Variants in MIPOL1 observed in about 807,000 individuals in gnomAD.
MIPOL1 encodes the protein mirror-image polydactyly 1, also known as mirror-image polydactyly gene 1 protein.
Under a neutral mutation model 60.9 loss-of-function variants are expected in MIPOL1, and 57 were observed. That is an observed-to-expected ratio of 0.94 (90% confidence interval 0.76 to 1.17). The LOEUF is 1.17. MIPOL1 is among the 50% of genes most tolerant of loss of function. The pLI is 0.00. For missense variants in MIPOL1, 551 were observed against 511.6 expected, an observed-to-expected ratio of 1.08 and a Z score of -0.74; for synonymous variants, 179 against 168.8, an observed-to-expected ratio of 1.06 and a Z score of -0.47.
intron 9 of MIPOL1, among the ~76,000 whole-genome samples, chr14:37,317,540 T>G (rs934926249): frequency 6.6e-6 from 1 of 152,086 alleles, no homozygotes; most frequent in Non-Finnish European, 1.5e-5. Flanking sequence ...AATTCCAGAC[T>G]CTCCCTCACT....
chr14:37,201,456 A>G (rs1231303524), intron 1 of MIPOL1, among the ~76,000 whole-genome samples: 1 of 152,232 alleles, frequency 6.6e-6, no homozygotes, highest in East Asian at 1.9e-4. Flanking sequence ...AAAGAAAAGG[A>G]TGAATGTCTA....
At chr14:37,232,689 A>G (rs1300211887) in intron 1 of MIPOL1, among the ~76,000 whole-genome samples, 2 of 152,182 alleles carry the variant, frequency 1.3e-5, no homozygotes, top group Non-Finnish European at 2.9e-5. Flanking sequence ...ATTTACTTGC[A>G]TGTGTCACTT....
intron 9 of MIPOL1, among the ~76,000 whole-genome samples, chr14:37,308,808 C>T (rs2153434422): frequency 6.6e-6 from 1 of 152,136 alleles, no homozygotes; most frequent in South Asian, 2.1e-4. Context: ...ATTTTTTCAA[C>T]TAATCACTTT....
intron 11 of MIPOL1, among the ~76,000 whole-genome samples, chr14:37,483,555 A>T (rs984588179): frequency 6.6e-6 from 1 of 152,150 alleles, no homozygotes; most frequent in African/African-American, 2.4e-5. Flanking sequence ...ATTATGGATG[A>T]CTGAAAGCAG....
chr14:37,410,533 A>G (rs1213821131), intron 10 of MIPOL1, among the ~76,000 whole-genome samples: 1 of 152,170 alleles, frequency 6.6e-6, no homozygotes, highest in East Asian at 1.9e-4. Flanking sequence ...AGACACAGGT[A>G]CATGGTTCTA....
chr14:37,499,937 A>G lies in MIPOL1; in HGVS notation c.1061A>G (p.Asn354Ser), dbSNP rs1024602713. ...CACAAATCTTTATCTCAAGAAGAAAATCTGAAGGATCAGTTTAACTATACC... is the reference window on the plus strand; with the variant it reads ...CACAAATCTTTATCTCAAGAAGAAAGTCTGAAGGATCAGTTTAACTATACC... ...SLHKSLSQEENLKDQFNYTLS... is the reference protein window; with the variant it reads ...SLHKSLSQEESLKDQFNYTLS... Residue 354 changes from asparagine (N) to serine (S), a missense_variant, in exon 12 of 13, where the codon AAT becomes AGT. Coordinates refer to ENST00000684589, the MANE Select transcript of MIPOL1 (RefSeq NM_001388067.1). 6.3e-7 allele frequency: 1 copy of G among 1,591,412 alleles called. No homozygotes were observed.
intron 9 of MIPOL1, among the ~76,000 whole-genome samples, chr14:37,353,499 A>C (rs1013058117): frequency 3.9e-5 from 6 of 152,060 alleles, no homozygotes; most frequent in African/African-American, 1.4e-4. Context: ...TCCTCATTGT[A>C]CCTCTGGTAG....
At chr14:37,447,117 A>T (rs1410059689) in intron 11 of MIPOL1, among the ~76,000 whole-genome samples, 1 of 151,990 alleles carries the variant, frequency 6.6e-6, no homozygotes, top group Admixed American at 6.6e-5. Context: ...AGAATCCTGC[A>T]CATATATGGT....
chr14:37,232,254 A>G (rs1567082916), intron 1 of MIPOL1, among the ~76,000 whole-genome samples: 1 of 152,210 alleles, frequency 6.6e-6, no homozygotes, highest in Admixed American at 6.5e-5. Context: ...AGAAGTTACT[A>G]ATTGAAGAAT....
intron 11 of MIPOL1, among the ~76,000 whole-genome samples, chr14:37,467,404 C>CA (rs1448462152): frequency 6.6e-6 from 1 of 152,160 alleles, no homozygotes; most frequent in Non-Finnish European, 1.5e-5. Context: ...TTACTGTAGG[C>CA]AAAATCATCA....
intron 3 of MIPOL1, among the ~76,000 whole-genome samples, chr14:37,250,540 G>A (rs1973918805): frequency 6.6e-6 from 1 of 152,006 alleles, no homozygotes; most frequent in Non-Finnish European, 1.5e-5. Context: ...GAGGGAGACT[G>A]TCTCAATAAA....
chr14:37,444,696 T>C (rs2094304897), intron 11 of MIPOL1, among the ~76,000 whole-genome samples: 1 of 151,906 alleles, frequency 6.6e-6, no homozygotes, highest in African/African-American at 2.4e-5. Flanking sequence ...GATAAGAGAA[T>C]CCCAGCAGCA....
chr14:37,474,384 G>A (rs1194273063), intron 11 of MIPOL1, among the ~76,000 whole-genome samples: 1 of 152,112 alleles, frequency 6.6e-6, no homozygotes, highest in Admixed American at 6.5e-5. Context: ...GGGAGGGGAG[G>A]GACCCGGTGG....
intron 10 of MIPOL1, among the ~76,000 whole-genome samples, chr14:37,389,186 G>A (rs2093163202): frequency 6.6e-6 from 1 of 151,686 alleles, no homozygotes; most frequent in African/African-American, 2.4e-5. Context: ...AAAGAAATTG[G>A]AAATATTTTC....
At chr14:37,230,385 G>C (rs1169339438) in intron 1 of MIPOL1, among the ~76,000 whole-genome samples, 1 of 152,196 alleles carries the variant, frequency 6.6e-6, no homozygotes, top group East Asian at 1.9e-4. Flanking sequence ...GTCTCTAGCT[G>C]TTTGTTATTG....
At chr14:37,290,206 C>T (rs993076169) in intron 7 of MIPOL1, among the ~76,000 whole-genome samples, 5 of 152,044 alleles carry the variant, frequency 3.3e-5, no homozygotes, top group African/African-American at 1.2e-4. Context: ...TTCCCCATCC[C>T]CTTGTGTGTG....
At chr14:37,353,164 C>G (rs977398165) in intron 9 of MIPOL1, among the ~76,000 whole-genome samples, 1 of 145,834 alleles carries the variant, frequency 6.9e-6, no homozygotes, top group Non-Finnish European at 1.5e-5. Context: ...TTGAGATAAT[C>G]ATGTGGTTTT....
intron 11 of MIPOL1, among the ~76,000 whole-genome samples, chr14:37,433,562 G>GT (rs1479494535): frequency 6.6e-6 from 1 of 151,692 alleles, no homozygotes; most frequent in Non-Finnish European, 1.5e-5. Flanking sequence ...ATTCTTGTTT[G>GT]TTTGTTTTTT....
chr14:37,237,210 A>G (rs776258587), intron 1 of MIPOL1, among the ~76,000 whole-genome samples: 7 of 152,052 alleles, frequency 4.6e-5, no homozygotes, highest in Non-Finnish European at 1.0e-4. Flanking sequence ...GCTAGGTGAA[A>G]CAGAGGAGTG....
Sources: gnomAD v4.1 joint callset for allele counts (sites outside exome capture counted in the v4.1 genomes callset) on GRCh38, gnomAD v4.1.1 for gene constraint, MANE v1.5 for transcripts, NCBI Gene and HGNC (gene_info 2026-07-23, HGNC 2026-07-21) for gene names.